The following SLIT3 variants were observed in gnomAD, a reference collection of about 807,000 sequenced individuals.
SLIT3 encodes slit guidance ligand 3, also known as slit homolog 3 protein.
In SLIT3, 68 loss-of-function variants were observed where a neutral mutation model predicts 184.0. The observed-to-expected ratio is 0.37, with a 90% CI of 0.30 to 0.45. SLIT3 has a LOEUF of 0.45. Among genes scored for constraint, SLIT3 ranks in the 20% least tolerant of loss-of-function variants. The pLI is 1.00. For synonymous variants in SLIT3, 831 were observed against 828.6 expected, an observed-to-expected ratio of 1.00 and a Z score of -0.05; for missense variants, 1,707 against 2,026.0, an observed-to-expected ratio of 0.84 and a Z score of 3.02.
At chr5:169,287,040 G>A (rs1317401798) in intron 1 of SLIT3, among the ~76,000 whole-genome samples, 1 of 152,196 alleles carries the variant, frequency 6.6e-6, no homozygotes, top group East Asian at 1.9e-4. Context: ...AAGCTTATGG[G>A]AAATGTTTCA....
At chr5:168,748,543 C>G in intron 19 of SLIT3, 109 bp from the exon 20 acceptor site, 3 of 1,132,586 alleles carry the variant, frequency 2.6e-6, no homozygotes, top group Non-Finnish European at 3.5e-6. Flanking sequence ...CCCCTGTCCC[C>G]GCTGTGTTCT....
At chr5:169,277,653 C>T (rs1486100496) in intron 1 of SLIT3, among the ~76,000 whole-genome samples, 8 of 152,164 alleles carry the variant, frequency 5.3e-5, no homozygotes, top group African/African-American at 1.9e-4. Flanking sequence ...ATCCATTCAT[C>T]TGTTTATAGA....
At chr5:168,699,378 T>C (rs1471848308) in intron 27 of SLIT3, among the ~76,000 whole-genome samples, 1 of 152,242 alleles carries the variant, frequency 6.6e-6, no homozygotes, top group African/African-American at 2.4e-5. Context: ...TGGCTTGGCA[T>C]GGGGTGCCCC....
chr5:169,273,649 G>A (rs1344467959), intron 1 of SLIT3, among the ~76,000 whole-genome samples: 1 of 152,168 alleles, frequency 6.6e-6, no homozygotes, highest in East Asian at 1.9e-4. Flanking sequence ...ATCATTGTTG[G>A]AGGTGAACGG....
intron 3 of SLIT3, among the ~76,000 whole-genome samples, chr5:169,207,360 T>TAC (rs1764106186): frequency 6.5e-5 from 6 of 92,322 alleles, no homozygotes; most frequent in African/African-American, 2.7e-4. Flanking sequence ...CTGTTTTACA[T>TAC]ACACATACAT....
chr5:168,784,487 T>C (rs982730608), intron 12 of SLIT3, among the ~76,000 whole-genome samples: 1 of 152,084 alleles, frequency 6.6e-6, no homozygotes, highest in Non-Finnish European at 1.5e-5. Context: ...GAAACAAACC[T>C]GGTTGCTGGT....
chr5:169,014,131 G>A (rs1756273872), intron 4 of SLIT3, among the ~76,000 whole-genome samples: 1 of 152,166 alleles, frequency 6.6e-6, no homozygotes, highest in Non-Finnish European at 1.5e-5. Context: ...AGGCAGGTTG[G>A]TTATGTTTTC....
chr5:168,768,080 T>C, intron 14 of SLIT3: 1 of 399,758 alleles, frequency 2.5e-6, no homozygotes, highest in Non-Finnish European at 5.2e-6. Context: ...TGGCAGGTGG[T>C]GGGCTGCGGT....
intron 4 of SLIT3, among the ~76,000 whole-genome samples, chr5:169,084,462 T>A (rs967648116): frequency 4.0e-4 from 49 of 121,312 alleles, no homozygotes; most frequent in African/African-American, 9.7e-4. Context: ...AGATTTTTTT[T>A]TTTTTTTTTT....
intron 4 of SLIT3, among the ~76,000 whole-genome samples, chr5:169,061,725 T>C (rs1758180017): frequency 6.6e-6 from 1 of 152,232 alleles, no homozygotes; most frequent in Non-Finnish European, 1.5e-5. Context: ...AGGACAACGA[T>C]GAAGCCAGCA....
intron 4 of SLIT3, among the ~76,000 whole-genome samples, chr5:169,080,437 G>A (rs966366248): frequency 2.0e-5 from 3 of 152,148 alleles, no homozygotes; most frequent in African/African-American, 4.8e-5. Context: ...TCTCCTCCAC[G>A]GCCAAGGCAA....
chr5:168,801,152 C>G (rs1756752713), intron 9 of SLIT3, among the ~76,000 whole-genome samples: 1 of 152,124 alleles, frequency 6.6e-6, no homozygotes, highest in South Asian at 2.1e-4. Context: ...ATCAGCTTCT[C>G]CTTCGTACCA....
chr5:168,739,331 G>T (rs1763540227), intron 20 of SLIT3, among the ~76,000 whole-genome samples: 1 of 152,076 alleles, frequency 6.6e-6, no homozygotes, highest in Admixed American at 6.5e-5. Context: ...TTAAGAAAAT[G>T]CCACTTGTTG....
At chr5:168,964,707 G>A (rs1287027020) in intron 4 of SLIT3, among the ~76,000 whole-genome samples, 1 of 152,198 alleles carries the variant, frequency 6.6e-6, no homozygotes, top group Non-Finnish European at 1.5e-5. Context: ...CTGAGGCAAA[G>A]ATATAACATA....
intron 4 of SLIT3, among the ~76,000 whole-genome samples, chr5:168,962,052 G>C (rs944340323): frequency 2.0e-5 from 3 of 152,068 alleles, no homozygotes; most frequent in Non-Finnish European, 2.9e-5. Flanking sequence ...TTGCAGGGCA[G>C]AACTATGGAT....
intron 4 of SLIT3, among the ~76,000 whole-genome samples, chr5:169,157,080 C>T (rs1438265950): frequency 6.6e-6 from 1 of 152,182 alleles, no homozygotes; most frequent in African/African-American, 2.4e-5. Flanking sequence ...GGAGCCTAGA[C>T]AAAGTACCCC....
Position 168,696,309 on chromosome 5 carries a change from C to A in SLIT3, c.3065G>T (p.Cys1022Phe), listed in dbSNP as rs1430732554. ...ATCCTTACCTGTGTAGTTAGGCGGA[C>A]AGATACACACGTAGTTGTTGATCCC... ...VDGINNYVCI[C>F]PPNYTGELCD... Residue 1022 changes from cysteine (C) to phenylalanine (F), a missense_variant, in exon 28 of 36, where the codon TGT (cysteine) becomes TTT (phenylalanine). Transcript: ENST00000519560. 1 of 1,614,146 alleles carries A rather than the reference C, an allele frequency of 6.2e-7. No individual in the cohort carries two copies. The highest frequency in any genetic ancestry group is 1.6e-4 in the Middle Eastern group (1 of 6,062).
At chr5:169,003,246 T>C (rs1487118863) in intron 4 of SLIT3, among the ~76,000 whole-genome samples, 1 of 152,222 alleles carries the variant, frequency 6.6e-6, no homozygotes, top group East Asian at 1.9e-4. Flanking sequence ...CACTATTCCT[T>C]GGATTAAAAC....
chr5:169,122,575 C>T (rs1156230369), intron 4 of SLIT3, among the ~76,000 whole-genome samples: 1 of 152,182 alleles, frequency 6.6e-6, no homozygotes, highest in African/African-American at 2.4e-5. Context: ...TCCCCCCACA[C>T]AACAAAGGGA....
Sources: gnomAD v4.1 joint callset for allele counts (sites outside exome capture counted in the v4.1 genomes callset) on GRCh38, gnomAD v4.1.1 for gene constraint, MANE v1.5 for transcripts, NCBI Gene and HGNC (gene_info 2026-07-23, HGNC 2026-07-21) for gene names.